ARMC9: variants seen among roughly 807,000 people sequenced by gnomAD.
ARMC9 encodes lisH domain-containing protein ARMC9.
A neutral mutation model predicts 107.0 loss-of-function variants in ARMC9; 94 were observed. That is an observed-to-expected ratio of 0.88 (90% CI 0.74 to 1.04). The LOEUF is 1.04. Ranked by LOEUF, ARMC9 falls within the 50% of genes least tolerant of loss-of-function variation. The pLI, the probability that ARMC9 is intolerant of heterozygous loss-of-function variation, is 0.00. For synonymous variants in ARMC9, 380 were observed against 396.9 expected (o/e 0.96, Z 0.51); for missense variants, 942 against 1,030.1 (o/e 0.91, Z 1.17).
At chr2:231,321,210 C>T (rs2042979363) in intron 19 of ARMC9, among the ~76,000 whole-genome samples, 5 of 152,240 alleles carry the variant, frequency 3.3e-5, no homozygotes, top group Admixed American at 3.3e-4. Context: ...GATCTAGAGA[C>T]AGACTGGCCT....
chr2:231,331,769 T>C (rs906066834), intron 19 of ARMC9, 24 bp from the exon 20 acceptor site: 1 of 1,603,780 alleles, frequency 6.2e-7, no homozygotes, highest in Non-Finnish European at 8.5e-7. Context: ...GTCCATGGCA[T>C]TCACCCCATG....
In ARMC9 at chr2:231,339,858, A is replaced by G. The variant is rs1030500004; in HGVS notation, c.1879-5117A>G. On this transcript the variant is annotated intron_variant, in intron 20 of 24. Coordinates refer to ENST00000611582, the MANE Select transcript of ARMC9 (RefSeq NM_001352754.2). ...AAGGCAGGAGTAATCGCTTGAACCC[A>G]GGAGGCAGAGGTTGCAGCGGGCCAA... Among the ~76,000 whole-genome samples the G allele has an allele frequency of 2.6e-5, 4 of 152,182 alleles. No homozygotes were observed. The East Asian group carries it at 7.7e-4, about 29-fold the overall frequency.
chr2:231,278,547 G>A (rs2039957256), intron 16 of ARMC9, 89 bp downstream of exon 16: 1 of 1,173,790 alleles, frequency 8.5e-7, no homozygotes, highest in Non-Finnish European at 1.3e-6. Flanking sequence ...AGCTGGCCCA[G>A]GATGGTTGCT....
At chr2:231,268,164 A>G (rs1335137479) in intron 12 of ARMC9, among the ~76,000 whole-genome samples, 3 of 152,194 alleles carry the variant, frequency 2.0e-5, no homozygotes, top group African/African-American at 7.2e-5. Flanking sequence ...ACATGAATCT[A>G]TGATGTTAGA....
chr2:231,322,132 G>A (rs1450868703), intron 19 of ARMC9, among the ~76,000 whole-genome samples: 1 of 152,246 alleles, frequency 6.6e-6, no homozygotes, highest in Non-Finnish European at 1.5e-5. Context: ...TTGTGAATGG[G>A]GAAATGAATG....
intron 19 of ARMC9, among the ~76,000 whole-genome samples, chr2:231,309,540 A>G (rs898280658): frequency 6.6e-6 from 1 of 152,144 alleles, no homozygotes; most frequent in Non-Finnish European, 1.5e-5. Context: ...ATTTGATCAA[A>G]TCACTATCAC....
rs1407307596 is a variant in ARMC9, at chr2:231,297,018, C to G, written c.1773+765C>G. On this transcript the variant is annotated intron_variant, in intron 19 of 24. Transcript: ENST00000611582. This position sits in a 1 kb window ranked among gnomAD's most constrained non-coding sequence, Gnocchi z 4.2. ...GAGCATTCACTGAAAAAGTGGATGT[C>G]AGAGGATGTTTTTTTGTTTGGAGTC... Among the ~76,000 whole-genome samples the G allele has an allele frequency of 6.6e-6, 1 of 152,142 alleles. No homozygotes were observed. The highest frequency in any genetic ancestry group is 2.4e-5 in the African/African-American group (1 of 41,424).
rs547389355 is a variant in ARMC9, at chr2:231,284,140, T to C, written c.1626+2007T>C. 5.8e-4 allele frequency among the ~76,000 whole-genome samples: 88 copies of C among 152,340 alleles called. 1 individual carries two copies. The highest frequency in any genetic ancestry group is 2.0e-3 in the African/African-American group (82 of 41,582). ...CCCCATTTTTACTGTACCTTACCTA[T>C]GTTTAGAGATGCTTAGATACACAAA... On this transcript the variant is annotated intron_variant, in intron 17 of 24. Coordinates refer to ENST00000611582, the MANE Select transcript of ARMC9 (RefSeq NM_001352754.2).
chr2:231,275,475 C>G (rs554573803), intron 14 of ARMC9, among the ~76,000 whole-genome samples: 16 of 152,220 alleles, frequency 1.1e-4, no homozygotes, highest in South Asian at 2.1e-4. Context: ...TTGTAAGATT[C>G]TACACCTGGA....
intron 6 of ARMC9, among the ~76,000 whole-genome samples, chr2:231,224,932 T>C (rs1393848526): frequency 6.6e-6 from 1 of 152,170 alleles, no homozygotes; most frequent in African/African-American, 2.4e-5. Context: ...AATTTAATAT[T>C]ACTGGAGCAG....
chr2:231,326,346 C>T (rs2043315725), intron 19 of ARMC9, among the ~76,000 whole-genome samples: 1 of 152,180 alleles, frequency 6.6e-6, no homozygotes, highest in South Asian at 2.1e-4. Context: ...AAGGTGGGTT[C>T]CTTAATTATT....
intron 9 of ARMC9, among the ~76,000 whole-genome samples, chr2:231,244,963 C>G (rs1178857973): frequency 6.6e-6 from 1 of 152,232 alleles, no homozygotes; most frequent in African/African-American, 2.4e-5. Context: ...GAGCAGCTCA[C>G]GGTAGAAACA....
chr2:231,203,080 C>T (rs781444703), intron 1 of ARMC9, among the ~76,000 whole-genome samples: 10 of 152,084 alleles, frequency 6.6e-5, no homozygotes, highest in Admixed American at 1.3e-4. Context: ...CTAACTCGGT[C>T]GGAAGTCCCT....
chr2:231,310,663 G>A (rs1002071221), intron 19 of ARMC9, among the ~76,000 whole-genome samples: 1 of 149,722 alleles, frequency 6.7e-6, no homozygotes. Flanking sequence ...CCCGGGGTAG[G>A]GGGGAACGGA....
intron 19 of ARMC9, among the ~76,000 whole-genome samples, chr2:231,304,136 A>G (rs936430072): frequency 6.6e-6 from 1 of 152,020 alleles, no homozygotes; most frequent in African/African-American, 2.4e-5. Flanking sequence ...AGACAAAGGC[A>G]GGAGAATTGC....
chr2:231,301,036 G>A (rs915388852), intron 19 of ARMC9, among the ~76,000 whole-genome samples: 1 of 152,020 alleles, frequency 6.6e-6, no homozygotes, highest in Non-Finnish European at 1.5e-5. Flanking sequence ...GTGTGCATGC[G>A]CTTTCATACT....
intron 21 of ARMC9, among the ~76,000 whole-genome samples, chr2:231,349,985 A>G (rs116369293): frequency 0.08 from 12,142 of 151,866 alleles, 1,438 homozygotes; most frequent in African/African-American, 0.26. Context: ...AACAATTCAC[A>G]TATACTATAC....
rs202200847 is a variant in ARMC9 at position 231,282,089 on chromosome 2, A to G, written c.1582A>G (p.Ser528Gly). 1.8e-5 allele frequency: 29 copies of G among 1,614,180 alleles called. No individual in the cohort carries two copies. The African/African-American group carries it at 3.7e-4, about 21-fold the overall frequency. Residue 528 changes from serine to glycine, a missense_variant, in exon 17 of 25, where the codon AGC becomes GGC. Transcript: ENST00000611582. ...IQPYVNGALYSILSVPSIREE... is the reference protein window; with the variant it reads ...IQPYVNGALYGILSVPSIREE... Reference sequence around the variant, plus strand: ...GCCGTATGTGAATGGAGCTCTGTACAGCATCCTTTCTGTTCCATCCATTCG... The same window carrying G: ...GCCGTATGTGAATGGAGCTCTGTACGGCATCCTTTCTGTTCCATCCATTCG...
Position 231,255,993 on chromosome 2 carries a change from T to C in ARMC9, c.880-593T>C. On this transcript the variant is annotated intron_variant, in intron 9 of 24. Transcript: ENST00000611582. The surrounding 1 kb of genome is among the most constrained non-coding windows in gnomAD (Gnocchi z 4.7). Reference sequence around the variant, plus strand: ...AGGCGGAGGTTGCGGTGAGCCAAGATTGCGCCACTGCTCTCCAGCCTGGGT... The same window carrying C: ...AGGCGGAGGTTGCGGTGAGCCAAGACTGCGCCACTGCTCTCCAGCCTGGGT... 8.5e-7 allele frequency: 1 copy of C among 1,173,138 alleles called. No individual in the cohort carries two copies. Among genetic ancestry groups the C allele is most frequent in the Non-Finnish European group, 1.2e-6 (1 of 855,358 alleles). The allele number at this position is 1,173,138 out of a possible 1,614,324, so 72.7% of individuals were successfully genotyped here. A position where few individuals can be genotyped will look rare whatever the true frequency, so the allele number is the denominator to read the frequency against.
Sources: gnomAD v4.1 joint callset for allele counts (sites outside exome capture counted in the v4.1 genomes callset) on GRCh38, gnomAD v4.1.1 for gene constraint, Gnocchi (gnomAD v3.1) non-coding constraint, MANE v1.5 for transcripts, NCBI Gene and HGNC (gene_info 2026-07-23, HGNC 2026-07-21) for gene names.